The following MAGI1 variants were observed in gnomAD, a reference collection of about 807,000 sequenced individuals.
MAGI1 encodes the protein membrane-associated guanylate kinase, WW and PDZ domain-containing protein 1.
MAGI1 carries 58 observed loss-of-function variants against 139.9 expected under a neutral mutation model. The ratio of observed to expected loss-of-function variants is 0.41; its 90% CI spans 0.34 to 0.52. The LOEUF (loss-of-function observed/expected upper bound fraction) is 0.52, where lower values mean the gene tolerates loss of function less well. Ranked by LOEUF, MAGI1 falls within the 20% of genes least tolerant of loss-of-function variation. The pLI is 0.12. For missense variants in MAGI1, 1,874 were observed against 1,901.6 expected, an observed-to-expected ratio of 0.99 and a Z score of 0.27; for synonymous variants, 812 against 737.9, an observed-to-expected ratio of 1.10 and a Z score of -1.63.
Position 65,381,225 on chromosome 3 carries a change from T to C in MAGI1, c.2701+652A>G, listed in dbSNP as rs77385045. ...GATACAGCAGTAAACCATGAGTCAC[T>C]AGAATGGCAAGGAGGGAATGCTAAA... On this transcript the variant is annotated intron_variant, in intron 16 of 22. Transcript: ENST00000402939. Among the ~76,000 whole-genome samples, 3 of 152,288 alleles carry C rather than the reference T, an allele frequency of 2.0e-5. No homozygotes were observed. In the East Asian group the frequency reaches 5.8e-4, roughly 29 times the overall value.
chr3:65,693,680 G>A (rs916169508), intron 1 of MAGI1, among the ~76,000 whole-genome samples: 1 of 150,284 alleles, frequency 6.7e-6, no homozygotes, highest in South Asian at 2.1e-4. Context: ...ATTCTGACAG[G>A]GTATCCATAT....
intron 1 of MAGI1, among the ~76,000 whole-genome samples, chr3:65,708,107 T>C (rs751264098): frequency 6.6e-6 from 1 of 152,014 alleles, no homozygotes; most frequent in Non-Finnish European, 1.5e-5. Context: ...CTTCCTGGAG[T>C]TGAAAAATAA....
chr3:65,872,150 T>C (rs2059961055), intron 1 of MAGI1, among the ~76,000 whole-genome samples: 1 of 152,198 alleles, frequency 6.6e-6, no homozygotes, highest in South Asian at 2.1e-4. Context: ...AATAATTACA[T>C]TAGCACAATG....
intron 1 of MAGI1, among the ~76,000 whole-genome samples, chr3:65,672,011 G>A (rs1243897253): frequency 6.6e-6 from 1 of 152,142 alleles, no homozygotes; most frequent in African/African-American, 2.4e-5. Flanking sequence ...TCACACACCT[G>A]AGGTAGGTAA....
intron 1 of MAGI1, among the ~76,000 whole-genome samples, chr3:65,996,540 A>AGGG (rs55913122): frequency 7.9e-6 from 1 of 126,504 alleles, no homozygotes; most frequent in African/African-American, 3.1e-5. Context: ...TGAAAAACTA[A>AGGG]GGGGGGGGGG....
In MAGI1 at chr3:65,980,391, C is replaced by T. The variant is rs538021934; in HGVS notation, c.313+57605G>A. On this transcript the variant is annotated intron_variant, in intron 1 of 22. Coordinates refer to ENST00000402939, the MANE Select transcript of MAGI1 (RefSeq NM_001033057.2). Reference sequence around the variant, plus strand: ...CAGCCTGGCCAACATGGTGAAACACCGTCTCTACTACAAATACAAAAATTA... The same window carrying T: ...CAGCCTGGCCAACATGGTGAAACACTGTCTCTACTACAAATACAAAAATTA... Among the ~76,000 whole-genome samples, 26 of 151,498 alleles carry T rather than the reference C, an allele frequency of 1.7e-4. No individual in the cohort carries two copies. The South Asian group carries it at 5.4e-3, about 32-fold the overall frequency.
intron 5 of MAGI1, 103 bp downstream of exon 5, chr3:65,470,180 G>A (rs1216462411): frequency 6.8e-6 from 5 of 732,256 alleles, no homozygotes; most frequent in African/African-American, 5.3e-5. Context: ...ATCAGTGGGT[G>A]ATCAATCCCT....
chr3:65,854,331 C>T (rs2059303649), intron 1 of MAGI1, among the ~76,000 whole-genome samples: 1 of 152,132 alleles, frequency 6.6e-6, no homozygotes, highest in African/African-American at 2.4e-5. Flanking sequence ...AACAAGGAGA[C>T]ATGAGTACAT....
intron 2 of MAGI1, chr3:65,549,440 T>C: frequency 1.0e-6 from 1 of 984,422 alleles, no homozygotes; most frequent in Non-Finnish European, 1.2e-6. Flanking sequence ...GGAGTTCGCC[T>C]CGGTCACTGC....
chr3:65,729,028 A>G lies in MAGI1; in HGVS notation c.314-106940T>C, dbSNP rs1015040625. 2.0e-5 allele frequency among the ~76,000 whole-genome samples: 3 copies of G among 150,558 alleles called. No homozygotes were observed. In the South Asian group the frequency reaches 6.4e-4, roughly 32 times the overall value. On this transcript the variant is annotated intron_variant, in intron 1 of 22. Coordinates refer to ENST00000402939, the MANE Select transcript of MAGI1 (RefSeq NM_001033057.2). ...GATCTGATTAAATCAAGTTTTGCAAAAATTTGGACCTGGCATGGTCTGAAT... is the reference window on the plus strand; with the variant it reads ...GATCTGATTAAATCAAGTTTTGCAAGAATTTGGACCTGGCATGGTCTGAAT...
At chr3:65,439,833 C>T (rs1319075904) in intron 9 of MAGI1, 46 bp downstream of exon 9, 15 of 1,604,342 alleles carry the variant, frequency 9.3e-6, no homozygotes, top group Non-Finnish European at 1.0e-5. Flanking sequence ...CAGATTTCAC[C>T]CCATGCTCCC....
intron 1 of MAGI1, among the ~76,000 whole-genome samples, chr3:65,994,947 G>T (rs551266519): frequency 1.3e-5 from 2 of 152,204 alleles, no homozygotes; most frequent in East Asian, 3.8e-4. Flanking sequence ...GTCATTTGCA[G>T]AGAGGAAATT....
intron 5 of MAGI1, among the ~76,000 whole-genome samples, chr3:65,466,558 A>C (rs370354393): frequency 6.6e-6 from 1 of 152,168 alleles, no homozygotes; most frequent in East Asian, 1.9e-4. Flanking sequence ...GGACTATCTC[A>C]CTATTGCTCC....
chr3:65,768,546 A>G (rs185689013), intron 1 of MAGI1, among the ~76,000 whole-genome samples: 29 of 152,364 alleles, frequency 1.9e-4, no homozygotes, highest in Admixed American at 1.8e-3. Context: ...AGTACCAAAA[A>G]TAAGACTATT....
intron 1 of MAGI1, among the ~76,000 whole-genome samples, chr3:65,702,137 G>A (rs563830147): frequency 2.6e-5 from 4 of 152,042 alleles, no homozygotes; most frequent in East Asian, 3.9e-4. Context: ...CTGTGTTTAC[G>A]AGCGAGCCCA....
chr3:65,590,223 G>A (rs1576410925), intron 2 of MAGI1, among the ~76,000 whole-genome samples: 3 of 152,142 alleles, frequency 2.0e-5, no homozygotes, highest in East Asian at 3.9e-4. Flanking sequence ...CCCATGTGAC[G>A]GTGGGATGTC....
intron 1 of MAGI1, among the ~76,000 whole-genome samples, chr3:65,871,330 T>G (rs2108488964): frequency 6.6e-6 from 1 of 151,986 alleles, no homozygotes; most frequent in Non-Finnish European, 1.5e-5. Context: ...GAAACTGGGG[T>G]TGGGGGTTGT....
chr3:65,492,891 A>C (rs949704056), intron 3 of MAGI1, among the ~76,000 whole-genome samples: 1 of 152,074 alleles, frequency 6.6e-6, no homozygotes, highest in Non-Finnish European at 1.5e-5. Context: ...ATCCTGGCTA[A>C]CACGGTGAAA....
At chr3:65,632,484 A>T (rs1170911403) in intron 1 of MAGI1, among the ~76,000 whole-genome samples, 3 of 152,228 alleles carry the variant, frequency 2.0e-5, no homozygotes, top group Admixed American at 2.0e-4. Context: ...CAACTAAAAA[A>T]ACAAAAACTC....
Sources: allele counts gnomAD v4.1 joint callset (sites outside exome capture counted in the v4.1 genomes callset), GRCh38; gene constraint gnomAD v4.1.1; transcripts MANE v1.5; gene names NCBI Gene and HGNC (gene_info 2026-07-23, HGNC 2026-07-21).